Variants in FSTL4 observed in about 807,000 individuals in gnomAD.
FSTL4 encodes the protein follistatin-related protein 4.
A neutral mutation model predicts 78.2 loss-of-function variants in FSTL4; 28 were observed. The observed-to-expected ratio is 0.36, with a 90% CI of 0.27 to 0.49. FSTL4 has a LOEUF of 0.49. Among genes scored for constraint, FSTL4 ranks in the 20% least tolerant of loss-of-function variants. The pLI is 0.98. For missense variants in FSTL4, 922 were observed against 1,084.9 expected, an observed-to-expected ratio of 0.85 and a Z score of 2.11; for synonymous variants, 422 against 440.5, an observed-to-expected ratio of 0.96 and a Z score of 0.53.
chr5:133,823,233 C>T, the FSTL4 span, among the ~76,000 whole-genome samples: 2 of 152,164 alleles, frequency 1.3e-5, no homozygotes, highest in African/African-American at 2.4e-5. Context: ...CAGCTCCTCT[C>T]AAAAGTAGCT....
chr5:133,742,054 A>G, the FSTL4 span, among the ~76,000 whole-genome samples: 2 of 152,226 alleles, frequency 1.3e-5, no homozygotes, highest in South Asian at 4.1e-4. Flanking sequence ...CAAACGTGGC[A>G]TTTAGCCCAT....
At chr5:133,229,413 C>G (rs533313299) in intron 8 of FSTL4, among the ~76,000 whole-genome samples, 9 of 152,008 alleles carry the variant, frequency 5.9e-5, no homozygotes, top group South Asian at 2.1e-4. Context: ...ATCCCAGCTA[C>G]TTGGGAGGCT....
the FSTL4 span, among the ~76,000 whole-genome samples, chr5:133,687,668 G>A: frequency 3.3e-5 from 5 of 152,200 alleles, no homozygotes; most frequent in South Asian, 2.1e-4. Context: ...GTTTAGGCAC[G>A]TTCCTTATTC....
the FSTL4 span, among the ~76,000 whole-genome samples, chr5:133,650,019 G>C: frequency 6.6e-6 from 1 of 152,074 alleles, no homozygotes; most frequent in African/African-American, 2.4e-5. Flanking sequence ...GAGGGCCTCA[G>C]GTTCCTTCCA....
At chr5:133,339,098 C>T (rs1754531276) in intron 4 of FSTL4, among the ~76,000 whole-genome samples, 1 of 152,164 alleles carries the variant, frequency 6.6e-6, no homozygotes, top group African/African-American at 2.4e-5. Flanking sequence ...CACACCCGTT[C>T]TGGCGACCCT....
the FSTL4 span, among the ~76,000 whole-genome samples, chr5:133,801,299 G>A: frequency 6.6e-6 from 1 of 152,136 alleles, no homozygotes. Flanking sequence ...CAATGCCGAA[G>A]AACACGTGTT....
At chr5:133,294,947 C>A (rs1314045925) in intron 6 of FSTL4, among the ~76,000 whole-genome samples, 1 of 152,198 alleles carries the variant, frequency 6.6e-6, no homozygotes, top group Non-Finnish European at 1.5e-5. Flanking sequence ...TGTCTGGGTG[C>A]TGTCTGCTTA....
the FSTL4 span, among the ~76,000 whole-genome samples, chr5:133,699,880 C>CAAAA: frequency 9.0e-3 from 557 of 61,990 alleles, 12 homozygotes; most frequent in Middle Eastern, 0.027. Context: ...GACTCCATCT[C>CAAAA]AAAAAAAAAA....
At chr5:133,263,329 C>T (rs1224511706) in intron 6 of FSTL4, among the ~76,000 whole-genome samples, 1 of 152,110 alleles carries the variant, frequency 6.6e-6, no homozygotes, top group African/African-American at 2.4e-5. Context: ...CTTAGAAACA[C>T]AGGATCACAT....
the FSTL4 span, among the ~76,000 whole-genome samples, chr5:133,767,143 T>A: frequency 1.3e-5 from 2 of 152,120 alleles, no homozygotes; most frequent in Admixed American, 1.3e-4. Context: ...GCTACCAGAG[T>A]TAACCTGATT....
chr5:133,631,939 G>A, the FSTL4 span, among the ~76,000 whole-genome samples: 1,375 of 151,882 alleles, frequency 9.1e-3, 27 homozygotes, highest in African/African-American at 0.031. Context: ...ATAAGTGGGA[G>A]TTGAACAATG....
chr5:133,388,606 T>C (rs1755763943), intron 4 of FSTL4: 2 of 151,392 alleles, frequency 1.3e-5, no homozygotes, highest in Admixed American at 6.6e-5. Flanking sequence ...TTTTGTCTGC[T>C]TTGTTTTTCT....
intron 6 of FSTL4, among the ~76,000 whole-genome samples, chr5:133,272,628 A>G (rs1255269548): frequency 6.6e-6 from 1 of 152,252 alleles, no homozygotes; most frequent in Admixed American, 6.5e-5. Flanking sequence ...AAAAAGTGTC[A>G]TCCAAAAGTA....
the FSTL4 span, among the ~76,000 whole-genome samples, chr5:133,699,434 T>G: frequency 2.0e-5 from 3 of 151,540 alleles, no homozygotes; most frequent in Non-Finnish European, 4.4e-5. Flanking sequence ...CACCGAGAAC[T>G]GTGCTTACCT....
intron 3 of FSTL4, among the ~76,000 whole-genome samples, chr5:133,432,256 C>G (rs1756955567): frequency 6.6e-6 from 1 of 152,188 alleles, no homozygotes; most frequent in Non-Finnish European, 1.5e-5. Flanking sequence ...CCAGATGTGA[C>G]AAGTCCAGGA....
chr5:133,367,963 A>G (rs1410058520), intron 4 of FSTL4, among the ~76,000 whole-genome samples: 2 of 152,270 alleles, frequency 1.3e-5, no homozygotes, highest in Non-Finnish European at 1.5e-5. Context: ...AGGCAGGATC[A>G]AGATCCCAGA....
intron 2 of FSTL4, among the ~76,000 whole-genome samples, chr5:133,581,992 G>A (rs948967730): frequency 2.6e-5 from 4 of 152,196 alleles, no homozygotes; most frequent in African/African-American, 9.6e-5. Context: ...CCACATATGG[G>A]GAAGGGTGTC....
At chr5:133,290,016 G>A (rs1291526037) in intron 6 of FSTL4, among the ~76,000 whole-genome samples, 1 of 152,166 alleles carries the variant, frequency 6.6e-6, no homozygotes, top group Non-Finnish European at 1.5e-5. Context: ...GTGCAAAGTG[G>A]GTGCTGATGG....
At chr5:133,221,913 T>TTTTTTTTTTTTTTTTTTTTTTTG (rs1751140299) in intron 11 of FSTL4, among the ~76,000 whole-genome samples, 2 of 97,840 alleles carry the variant, frequency 2.0e-5, no homozygotes, top group Non-Finnish European at 3.9e-5. Context: ...TTTTTTTTTT[T>TTTTTTTTTTTTTTTTTTTTTTTG]TTTTTTTTTT....
Sources: allele counts gnomAD v4.1 joint callset (sites outside exome capture counted in the v4.1 genomes callset), GRCh38; gene constraint gnomAD v4.1.1; transcripts MANE v1.5; gene names NCBI Gene and HGNC (gene_info 2026-07-23, HGNC 2026-07-21).